The following PARD3 variants were observed in gnomAD, a reference collection of about 807,000 sequenced individuals.
PARD3 encodes partitioning defective 3 homolog.
Under a neutral mutation model 155.4 loss-of-function variants are expected in PARD3, and 75 were observed. The observed-to-expected ratio is 0.48, with a 90% CI of 0.40 to 0.58. The LOEUF is 0.58. PARD3 is among the 20% of genes least tolerant of loss of function. The pLI is 0.00. For missense variants in PARD3, 1,642 were observed against 1,721.7 expected, an observed-to-expected ratio of 0.95 and a Z score of 0.82; for synonymous variants, 576 against 610.5, an observed-to-expected ratio of 0.94 and a Z score of 0.83.
At chr10:34,562,247 G>C (rs1415436215) in intron 2 of PARD3, among the ~76,000 whole-genome samples, 2 of 151,102 alleles carry the variant, frequency 1.3e-5, no homozygotes, top group African/African-American at 4.9e-5. Flanking sequence ...GACCAGCCTG[G>C]TCAACATGGT....
chr10:34,526,080 CAAAAAAAAAA>C (rs765686445), intron 2 of PARD3, among the ~76,000 whole-genome samples: 7 of 51,828 alleles, frequency 1.4e-4, no homozygotes, highest in African/African-American at 2.8e-4. Context: ...GACTCCGTAT[CAAAAAAAAAA>C]AAAAAAAAAA....
At chr10:34,411,291 G>A (rs546196967) in intron 5 of PARD3, among the ~76,000 whole-genome samples, 1 of 152,320 alleles carries the variant, frequency 6.6e-6, no homozygotes, top group East Asian at 1.9e-4. Flanking sequence ...CATAGTGAAA[G>A]TGAAGTATAT....
chr10:34,618,308 G>C (rs374840653), intron 2 of PARD3, among the ~76,000 whole-genome samples: 84 of 152,268 alleles, frequency 5.5e-4, no homozygotes, highest in African/African-American at 2.0e-3. Flanking sequence ...AAGTCTCCAA[G>C]CTCCTTAGAA....
chr10:34,227,854 T>A (rs866279758), intron 22 of PARD3, among the ~76,000 whole-genome samples: 734 of 26,316 alleles, frequency 0.028, 21 homozygotes, highest in African/African-American at 0.053. Flanking sequence ...GGGAATTATT[T>A]TTTATATATA....
In PARD3 at chr10:34,184,582, T is replaced by C. The variant is rs557597494; in HGVS notation, c.3420-52999A>G. Among the ~76,000 whole-genome samples the C allele has an allele frequency of 1.8e-3, 269 of 152,292 alleles. 2 individuals are homozygous for C. The highest frequency in any genetic ancestry group is 3.7e-3 in the Admixed American group (56 of 15,306). On this transcript the variant is annotated intron_variant, in intron 22 of 24. Coordinates refer to ENST00000374788, the MANE Select transcript of PARD3 (RefSeq NM_001184785.2). ...GCAGACTGCCCAGAGCGTTTATTCA[T>C]GCCTTATAAGAAAACCAAAGTCTCT...
At chr10:34,344,279 T>G (rs1564609126) in intron 15 of PARD3, 4 of 943,932 alleles carry the variant, frequency 4.2e-6, no homozygotes, top group Non-Finnish European at 5.0e-6. Context: ...TGTTTGTTTT[T>G]GTTTTTTTTT....
intron 22 of PARD3, among the ~76,000 whole-genome samples, chr10:34,234,506 T>C (rs1166953731): frequency 6.6e-6 from 1 of 152,170 alleles, no homozygotes; most frequent in Non-Finnish European, 1.5e-5. Context: ...CTCCCAGCCT[T>C]TTGCTTTGTC....
In PARD3 at chr10:34,578,329, G is replaced by A. The variant is rs1348731215; in HGVS notation, c.223-61170C>T. On this transcript the variant is annotated intron_variant, in intron 2 of 24. Transcript: ENST00000374788. ...TTACTGGAACACCAAGCATGCGAGCGTTGTTTATATCCTACTGCTCAAAGT... is the reference window on the plus strand; with the variant it reads ...TTACTGGAACACCAAGCATGCGAGCATTGTTTATATCCTACTGCTCAAAGT... Among the ~76,000 whole-genome samples, 7 of 152,044 alleles carry A rather than the reference G, an allele frequency of 4.6e-5. No homozygotes were observed. The South Asian group carries it at 6.2e-4, about 14-fold the overall frequency.
intron 22 of PARD3, among the ~76,000 whole-genome samples, chr10:34,188,523 C>G (rs1355044459): frequency 1.3e-5 from 2 of 152,114 alleles, no homozygotes; most frequent in African/African-American, 4.8e-5. Context: ...TACCCACCAG[C>G]CAACGGTACA....
At chr10:34,179,418 T>G (rs1950176409) in intron 22 of PARD3, among the ~76,000 whole-genome samples, 1 of 152,214 alleles carries the variant, frequency 6.6e-6, no homozygotes, top group African/African-American at 2.4e-5. Flanking sequence ...CATGGTAATA[T>G]GAGATACCTG....
intron 22 of PARD3, among the ~76,000 whole-genome samples, chr10:34,202,848 C>T (rs1389758773): frequency 6.6e-6 from 1 of 152,182 alleles, no homozygotes; most frequent in Admixed American, 6.5e-5. Flanking sequence ...ATTTCCCTTA[C>T]TGTGACACAC....
At chr10:34,327,572 G>A (rs1377921439) in intron 19 of PARD3, among the ~76,000 whole-genome samples, 1 of 152,160 alleles carries the variant, frequency 6.6e-6, no homozygotes. Context: ...CTTGTAAAGA[G>A]GAAAAGTGCC....
At chr10:34,579,492 C>T (rs1162720073) in intron 2 of PARD3, among the ~76,000 whole-genome samples, 3 of 151,040 alleles carry the variant, frequency 2.0e-5, no homozygotes, top group African/African-American at 2.4e-5. Flanking sequence ...AAAAAAAATA[C>T]GTAAGAAGCC....
chr10:34,806,988 A>G (rs1843477823), intron 1 of PARD3, among the ~76,000 whole-genome samples: 2 of 152,354 alleles, frequency 1.3e-5, no homozygotes, highest in Middle Eastern at 3.4e-3. Flanking sequence ...CAAATGCTGG[A>G]AAGGCTGGTC....
intron 20 of PARD3, among the ~76,000 whole-genome samples, chr10:34,310,802 T>C (rs974499820): frequency 1.3e-5 from 2 of 152,222 alleles, no homozygotes; most frequent in African/African-American, 2.4e-5. Flanking sequence ...ATTAAGTCCT[T>C]AGGATTTACA....
At chr10:34,396,440 A>G (rs1843353535) in intron 7 of PARD3, among the ~76,000 whole-genome samples, 2 of 152,180 alleles carry the variant, frequency 1.3e-5, no homozygotes, top group Non-Finnish European at 2.9e-5. Flanking sequence ...AAAACTCTCT[A>G]ACGTTAACTT....
chr10:34,794,743 C>A (rs1006575923), intron 1 of PARD3, among the ~76,000 whole-genome samples: 4 of 152,212 alleles, frequency 2.6e-5, no homozygotes, highest in Non-Finnish European at 5.9e-5. Flanking sequence ...GAAATATGAA[C>A]ACAAACTACT....
At chr10:34,810,569 T>G (rs1163817465) in intron 1 of PARD3, among the ~76,000 whole-genome samples, 1 of 152,182 alleles carries the variant, frequency 6.6e-6, no homozygotes, top group Non-Finnish European at 1.5e-5. Context: ...ACACACAATT[T>G]TGTTCTCCTG....
At chr10:34,234,139 T>TA (rs1182624889) in intron 22 of PARD3, among the ~76,000 whole-genome samples, 2 of 152,144 alleles carry the variant, frequency 1.3e-5, no homozygotes, top group Non-Finnish European at 2.9e-5. Flanking sequence ...CAATTTCTGA[T>TA]ATAACTACTG....
Sources: allele counts gnomAD v4.1 joint callset (sites outside exome capture counted in the v4.1 genomes callset), GRCh38; gene constraint gnomAD v4.1.1; transcripts MANE v1.5; gene names NCBI Gene and HGNC (gene_info 2026-07-23, HGNC 2026-07-21).